The following SLC5A10 variants were observed in gnomAD, a reference collection of about 807,000 sequenced individuals.
SLC5A10 encodes the protein sodium/mannose cotransporter SLC5A10.
A neutral mutation model predicts 68.9 loss-of-function variants in SLC5A10; 55 were observed. The ratio of observed to expected loss-of-function variants is 0.80; its 90% confidence interval spans 0.64 to 1.00. The LOEUF (loss-of-function observed/expected upper bound fraction) is 1.00. Among genes scored for constraint, SLC5A10 ranks in the 50% least tolerant of loss-of-function variants. The pLI, the probability that SLC5A10 is intolerant of heterozygous loss-of-function variation, is 0.00. For synonymous variants in SLC5A10, 344 were observed against 344.8 expected (o/e 1.00, Z 0.02); for missense variants, 732 against 819.3 (o/e 0.89, Z 1.30).
At chr17:18,984,692 C>A (rs1360529896) in intron 9 of SLC5A10, among the ~76,000 whole-genome samples, 1 of 152,252 alleles carries the variant, frequency 6.6e-6, no homozygotes, top group Non-Finnish European at 1.5e-5. Context: ...AAGCTGGAAG[C>A]CTCAGGCCCA....
At chr17:19,005,388 T>G (rs575470641) in intron 9 of SLC5A10, among the ~76,000 whole-genome samples, 1 of 152,266 alleles carries the variant, frequency 6.6e-6, no homozygotes, top group East Asian at 1.9e-4. Context: ...GAGCGTCCCC[T>G]GGGGTTGGGA....
chr17:18,985,215 G>A (rs189272973), intron 9 of SLC5A10, among the ~76,000 whole-genome samples: 82 of 152,296 alleles, frequency 5.4e-4, no homozygotes, highest in Non-Finnish European at 2.1e-4. Flanking sequence ...AAGGCCCACC[G>A]CACAAACGGC....
intron 9 of SLC5A10, among the ~76,000 whole-genome samples, chr17:19,012,618 C>A (rs2044039410): frequency 6.6e-6 from 1 of 152,158 alleles, no homozygotes. Flanking sequence ...AGGAGGCAGT[C>A]CTCAGGCGAG....
chr17:18,960,461 G>C (rs915969669), intron 4 of SLC5A10, 87 bp from the exon 5 acceptor site: 2 of 1,145,338 alleles, frequency 1.7e-6, no homozygotes, highest in Non-Finnish European at 2.6e-6. Context: ...GTGGCGGGGG[G>C]AGAGGCAGAG....
At chr17:18,960,327 C>G (rs1031099527) in intron 4 of SLC5A10, among the ~76,000 whole-genome samples, 1 of 152,218 alleles carries the variant, frequency 6.6e-6, no homozygotes, top group African/African-American at 2.4e-5. Context: ...GGGATCTCAG[C>G]CTGCCACTCC....
At chr17:19,006,414 T>C (rs576011507) in intron 9 of SLC5A10, among the ~76,000 whole-genome samples, 331 of 150,484 alleles carry the variant, frequency 2.2e-3, no homozygotes, top group African/African-American at 7.4e-3. Flanking sequence ...TTTTTTTTTT[T>C]TTTTTGTAGA....
intron 9 of SLC5A10, among the ~76,000 whole-genome samples, chr17:19,011,550 T>C (rs2044013653): frequency 6.6e-6 from 1 of 151,084 alleles, no homozygotes; most frequent in African/African-American, 2.4e-5. Flanking sequence ...GAGAAATAAG[T>C]AATAGGCTGA....
intron 1 of SLC5A10, among the ~76,000 whole-genome samples, chr17:18,956,247 T>C (rs2042498414): frequency 6.6e-6 from 1 of 150,738 alleles, no homozygotes. Flanking sequence ...AAATAACAAA[T>C]AGATAAAGCT....
chr17:18,954,523 T>A (rs1010472279), intron 1 of SLC5A10, among the ~76,000 whole-genome samples: 2 of 152,084 alleles, frequency 1.3e-5, no homozygotes, highest in African/African-American at 4.8e-5. Context: ...AGTGAGCACA[T>A]CCAGAAAAGA....
Position 18,960,610 on chromosome 17 carries a change from GT to G in SLC5A10, c.412del (p.Ser138LeufsTer55). ...GGGGCCAGCGGATCCGCATGTACCT[GT>G]CTGTCCTGTCCCTGCTACTGTCTGT... ...YGGQRIRMYLSVLSLLLSVFT... is the reference protein window; with the variant it reads ...YGGQRIRMYLXVLSLLLSVFT... On this transcript the variant is annotated frameshift_variant, in exon 5 of 15. Coordinates refer to ENST00000395645, the MANE Select transcript of SLC5A10 (RefSeq NM_001042450.4). LOFTEE classifies it high-confidence loss of function. The G allele has an allele frequency of 1.2e-6, 2 of 1,614,142 alleles. No individual in the cohort carries two copies. The highest frequency in any genetic ancestry group is 1.7e-6 in the Non-Finnish European group (2 of 1,180,006).
chr17:19,012,547 G>A (rs1238661903), intron 9 of SLC5A10, among the ~76,000 whole-genome samples: 1 of 152,280 alleles, frequency 6.6e-6, no homozygotes, highest in Non-Finnish European at 1.5e-5. Context: ...ATGAGGGAAA[G>A]CGATGTGGGG....
intron 1 of SLC5A10, among the ~76,000 whole-genome samples, chr17:18,958,437 C>T (rs780735091): frequency 6.6e-6 from 1 of 152,150 alleles, no homozygotes; most frequent in East Asian, 1.9e-4. Flanking sequence ...ACTCATCAGT[C>T]GACAGAAATG....
At chr17:18,976,513 G>C in intron 8 of SLC5A10, 1 of 282,084 alleles carries the variant, frequency 3.5e-6, no homozygotes, top group Non-Finnish European at 6.7e-6. Context: ...TGAGGGTAGG[G>C]GTGTATGTCC....
At position 18,976,979 on chromosome 17, in the gene SLC5A10, A is replaced by G. The variant is rs2042996352; in HGVS notation, c.972A>G (p.Ala324=). 1.2e-6 allele frequency: 2 copies of G among 1,612,608 alleles called. No individual in the cohort carries two copies. The change falls in exon 9 of 15, where the codon GCA becomes GCG. Residue 324 remains alanine (A), a synonymous_variant. Transcript: ENST00000395645. ...LIIMPGMISR[A]LFPDDVGCVV... The stretch of plus-strand genomic sequence containing the variant: ...TCATGCCGGGCATGATCAGCCGCGC[A>G]TTGTTCCCAGGTAGGACGGGCTCCG...
At position 19,019,742 on chromosome 17, in the gene SLC5A10, G is replaced by A. The variant is rs1211375676; in HGVS notation, c.1440G>A (p.Leu480=). ...CCTTCTGGGGCCTGATAGCAGGGCTGGTGGTGGGGGCCACGAGGCTGGTCC... is the reference window on the plus strand; with the variant it reads ...CCTTCTGGGGCCTGATAGCAGGGCTAGTGGTGGGGGCCACGAGGCTGGTCC... ...QGAFWGLIAG[L]VVGATRLVLE... The change falls in exon 13 of 15, where the codon CTG becomes CTA. Residue 480 remains leucine, a synonymous_variant. Coordinates refer to ENST00000395645, the MANE Select transcript of SLC5A10 (RefSeq NM_001042450.4). 6.2e-7 allele frequency: 1 copy of A among 1,612,156 alleles called. No individual in the cohort carries two copies. Among genetic ancestry groups the A allele is most frequent in the Non-Finnish European group, 8.5e-7 (1 of 1,179,748 alleles).
In SLC5A10 at chr17:18,960,632, T is replaced by C; in HGVS notation, c.433T>C (p.Ser145Pro). 6.2e-7 allele frequency: 1 copy of C among 1,613,942 alleles called. No homozygotes were observed. Among genetic ancestry groups the C allele is most frequent in the East Asian group, 2.2e-5 (1 of 44,884 alleles). ...MYLSVLSLLL[S>P]VFTKISLDLY... Reference sequence around the variant, plus strand: ...CCTGTCTGTCCTGTCCCTGCTACTGTCTGTCTTCACCAAGATATCGGTGAG... The same window carrying C: ...CCTGTCTGTCCTGTCCCTGCTACTGCCTGTCTTCACCAAGATATCGGTGAG... Residue 145 changes from serine to proline, a missense_variant, in exon 5 of 15, where the codon TCT becomes CCT. Transcript: ENST00000395645.
intron 12 of SLC5A10, 46 bp downstream of exon 12, chr17:19,019,637 C>T (rs776862877): frequency 2.5e-6 from 4 of 1,603,958 alleles, no homozygotes; most frequent in South Asian, 2.2e-5. Context: ...CCACAATTTG[C>T]TCTTCCCTGC....
chr17:18,987,679 C>T (rs571955026), intron 9 of SLC5A10, among the ~76,000 whole-genome samples: 3 of 152,366 alleles, frequency 2.0e-5, no homozygotes, highest in East Asian at 1.9e-4. Flanking sequence ...TCCCCCACCC[C>T]AAAGGTTCTT....
At chr17:18,993,428 C>G (rs896227030) in intron 9 of SLC5A10, among the ~76,000 whole-genome samples, 1 of 152,190 alleles carries the variant, frequency 6.6e-6, no homozygotes, top group Non-Finnish European at 1.5e-5. Context: ...TCGCAAGACT[C>G]GGGTAAGAGG....
Sources: allele counts gnomAD v4.1 joint callset (sites outside exome capture counted in the v4.1 genomes callset), GRCh38; gene constraint gnomAD v4.1.1; transcripts MANE v1.5; gene names NCBI Gene and HGNC (gene_info 2026-07-23, HGNC 2026-07-21).